The following FBXL17 variants were observed in gnomAD, a reference collection of about 807,000 sequenced individuals.
FBXL17 encodes F-box/LRR-repeat protein 17.
In FBXL17, 22 loss-of-function variants were observed where a neutral mutation model predicts 66.2. The observed-to-expected ratio is 0.33, with a 90% CI of 0.24 to 0.47. The LOEUF (loss-of-function observed/expected upper bound fraction) is 0.47, where lower values mean the gene tolerates loss of function less well. FBXL17 is among the 20% of genes least tolerant of loss of function. The pLI is 1.00. For synonymous variants in FBXL17, 474 were observed against 400.5 expected, an observed-to-expected ratio of 1.18 and a Z score of -2.19; for missense variants, 878 against 948.2, an observed-to-expected ratio of 0.93 and a Z score of 0.97.
At chr5:108,255,271 G>A (rs776395693) in intron 4 of FBXL17, among the ~76,000 whole-genome samples, 3 of 152,068 alleles carry the variant, frequency 2.0e-5, no homozygotes, top group Non-Finnish European at 4.4e-5. Flanking sequence ...AGCTCAGCAT[G>A]CAGCATATTT....
chr5:107,927,401 C>T (rs191331877), intron 7 of FBXL17, among the ~76,000 whole-genome samples: 110 of 152,152 alleles, frequency 7.2e-4, no homozygotes, highest in Admixed American at 2.5e-3. Context: ...ATGTTGTAGA[C>T]GGCCAAGCAA....
intron 6 of FBXL17, among the ~76,000 whole-genome samples, chr5:108,168,277 T>G (rs1162490169): frequency 6.6e-6 from 1 of 152,110 alleles, no homozygotes; most frequent in Non-Finnish European, 1.5e-5. Flanking sequence ...ACACCTACTC[T>G]CTTGAAATTT....
intron 2 of FBXL17, among the ~76,000 whole-genome samples, chr5:108,366,220 A>G (rs1748653314): frequency 1.3e-5 from 2 of 152,084 alleles, no homozygotes; most frequent in Non-Finnish European, 2.9e-5. Flanking sequence ...GACTCAATTC[A>G]TCTGGTGAAA....
chr5:107,960,589 A>G (rs575606912), intron 7 of FBXL17, among the ~76,000 whole-genome samples: 2 of 152,300 alleles, frequency 1.3e-5, no homozygotes, highest in South Asian at 4.1e-4. Flanking sequence ...AAATGAGATC[A>G]TGCAGTATTT....
intron 4 of FBXL17, among the ~76,000 whole-genome samples, chr5:108,331,702 T>C (rs905751176): frequency 2.0e-5 from 3 of 152,182 alleles, no homozygotes; most frequent in African/African-American, 7.2e-5. Flanking sequence ...TTCACTTATT[T>C]CCATTCCAAA....
chr5:108,342,831 T>C (rs1746979568), intron 4 of FBXL17, among the ~76,000 whole-genome samples: 1 of 152,194 alleles, frequency 6.6e-6, no homozygotes, highest in South Asian at 2.1e-4. Context: ...TATCAAACAT[T>C]TTCTATTACC....
At chr5:108,249,295 C>G (rs1292731100) in intron 4 of FBXL17, among the ~76,000 whole-genome samples, 4 of 152,038 alleles carry the variant, frequency 2.6e-5, no homozygotes, top group Admixed American at 6.6e-5. Flanking sequence ...AGTCTTTGCT[C>G]CTGCTAGGGA....
rs566425560 is a variant in FBXL17 at position 107,878,748 on chromosome 5, T to A, written c.1965+2289A>T. On this transcript the variant is annotated intron_variant, in intron 8 of 8. Coordinates refer to ENST00000542267, the MANE Select transcript of FBXL17 (RefSeq NM_001163315.3). ...CAGGCTTTTCTGTGCAAGGCTTTACTTGTGCTTTGTGTGTGGTTTGGAACT... is the reference window on the plus strand; with the variant it reads ...CAGGCTTTTCTGTGCAAGGCTTTACATGTGCTTTGTGTGTGGTTTGGAACT... The A allele has an allele frequency of 4.3e-5, 42 of 985,486 alleles. No individual in the cohort carries two copies. In the African/African-American group the frequency reaches 7.1e-4, roughly 17 times the overall value. 61.0% of individuals were successfully genotyped at this position (985,486 alleles called of 1,614,324 possible).
intron 4 of FBXL17, among the ~76,000 whole-genome samples, chr5:108,293,960 G>A (rs1202967267): frequency 7.1e-6 from 1 of 141,470 alleles, no homozygotes; most frequent in Non-Finnish European, 1.5e-5. Flanking sequence ...AGAATCCATT[G>A]AACCCAGGAG....
At chr5:107,861,901 C>A in intron 8 of FBXL17, 41 bp from the exon 9 acceptor site, 1 of 1,437,294 alleles carries the variant, frequency 7.0e-7, no homozygotes, top group Non-Finnish European at 9.2e-7. Context: ...CAGAGACCAC[C>A]AACACCACGC....
intron 7 of FBXL17, among the ~76,000 whole-genome samples, chr5:107,927,272 T>G (rs1161768322): frequency 6.6e-6 from 1 of 152,148 alleles, no homozygotes; most frequent in African/African-American, 2.4e-5. Flanking sequence ...CATTATATAA[T>G]AGCAATATTT....
At chr5:107,990,859 C>A (rs1227407815) in intron 7 of FBXL17, among the ~76,000 whole-genome samples, 2 of 152,230 alleles carry the variant, frequency 1.3e-5, no homozygotes, top group African/African-American at 2.4e-5. Flanking sequence ...TTCTCCGAGA[C>A]TGGTAGGATT....
At position 107,859,878 on chromosome 5, in the gene FBXL17, GAT is replaced by G. The variant is rs1561507951; in HGVS notation, c.*1840_*1841del. Reference sequence around the variant, plus strand: ...AATCAGTTAAAATATTGTGAAATAAGATATTTCAGTGGTGGGGAAGTGGATAT... The same window carrying G: ...AATCAGTTAAAATATTGTGAAATAAGATTTCAGTGGTGGGGAAGTGGATAT... On this transcript the variant is annotated 3_prime_UTR_variant, in exon 9 of 9. Transcript: ENST00000542267. The G allele has an allele frequency of 6.6e-6, 1 of 152,100 alleles. No individual in the cohort carries two copies. The highest frequency in any genetic ancestry group is 1.5e-5 in the Non-Finnish European group (1 of 67,990). The allele number at this position is 152,100 out of a possible 1,614,324, so 9.4% of individuals were successfully genotyped here. A position where few individuals can be genotyped will look rare whatever the true frequency, so the allele number is the denominator to read the frequency against.
intron 4 of FBXL17, among the ~76,000 whole-genome samples, chr5:108,256,758 A>G (rs543739954): frequency 6.6e-6 from 1 of 151,986 alleles, no homozygotes; most frequent in Non-Finnish European, 1.5e-5. Context: ...TTTTATATTT[A>G]TCATTCCTAT....
At chr5:108,030,299 C>T (rs1021242600) in intron 6 of FBXL17, among the ~76,000 whole-genome samples, 5 of 152,062 alleles carry the variant, frequency 3.3e-5, no homozygotes, top group Admixed American at 2.0e-4. Context: ...GCTAATGAAA[C>T]CAGTGTGGAA....
intron 6 of FBXL17, among the ~76,000 whole-genome samples, chr5:108,099,435 C>A (rs1238158127): frequency 1.3e-5 from 2 of 151,842 alleles, no homozygotes; most frequent in Non-Finnish European, 1.5e-5. Context: ...AAACGAAGAC[C>A]CAAAGATGCA....
chr5:108,030,364 T>C (rs1754987984), intron 6 of FBXL17, among the ~76,000 whole-genome samples: 1 of 152,112 alleles, frequency 6.6e-6, no homozygotes, highest in Non-Finnish European at 1.5e-5. Context: ...TGCAGAAAGT[T>C]GCAAAAGCAA....
At chr5:107,869,615 G>C (rs887078565) in intron 8 of FBXL17, among the ~76,000 whole-genome samples, 3 of 152,134 alleles carry the variant, frequency 2.0e-5, no homozygotes, top group African/African-American at 7.2e-5. Flanking sequence ...GGCCTGTGTA[G>C]ATTTTTATAA....
chr5:107,973,340 GA>G (rs1561346734), intron 7 of FBXL17, among the ~76,000 whole-genome samples: 1 of 145,992 alleles, frequency 6.8e-6, no homozygotes, highest in Non-Finnish European at 1.5e-5. Context: ...AATTAAACAT[GA>G]TTTTTTTTTG....
Sources: gnomAD v4.1 joint callset for allele counts (sites outside exome capture counted in the v4.1 genomes callset) on GRCh38, gnomAD v4.1.1 for gene constraint, MANE v1.5 for transcripts, NCBI Gene and HGNC (gene_info 2026-07-23, HGNC 2026-07-21) for gene names.